Variants in HS3ST4 observed in about 807,000 individuals in gnomAD.
HS3ST4 encodes heparan sulfate glucosamine 3-O-sulfotransferase 4.
HS3ST4 carries 17 observed loss-of-function variants against 29.2 expected under a neutral mutation model. The ratio of observed to expected loss-of-function variants is 0.58; its 90% CI spans 0.40 to 0.87. HS3ST4 has a LOEUF of 0.87. Among genes scored for constraint, HS3ST4 ranks in the 40% least tolerant of loss-of-function variants. The pLI, the probability that HS3ST4 is intolerant of heterozygous loss-of-function variation, is 0.00. For synonymous variants in HS3ST4, 314 were observed against 285.7 expected (o/e 1.10, Z -1.00); for missense variants, 627 against 634.5 (o/e 0.99, Z 0.13).
rs796824926 is a variant in HS3ST4, at chr16:26,116,192, G to A, written c.735-19420G>A. 5.3e-4 allele frequency among the ~76,000 whole-genome samples: 80 copies of A among 152,318 alleles called. 1 individual carries two copies. The highest frequency in any genetic ancestry group is 1.8e-3 in the African/African-American group (76 of 41,570). On this transcript the variant is annotated intron_variant, in intron 1 of 1. Transcript: ENST00000331351. ...TAAGGACCTCTGCTTCTTTCTGGCT[G>A]TTGGCCAGAGACATCTGCCCTCAGT...
At chr16:25,909,206 C>T (rs1017060878) in intron 1 of HS3ST4, among the ~76,000 whole-genome samples, 5 of 151,722 alleles carry the variant, frequency 3.3e-5, no homozygotes, top group Non-Finnish European at 5.9e-5. Flanking sequence ...TTCTTTTTTT[C>T]GAGATGGGCT....
intron 1 of HS3ST4, among the ~76,000 whole-genome samples, chr16:25,913,534 T>A (rs988563899): frequency 3.3e-5 from 5 of 152,200 alleles, no homozygotes; most frequent in Non-Finnish European, 5.9e-5. Context: ...TTATAGCAGC[T>A]CCAGTGGACT....
At chr16:26,098,922 G>A (rs1027015929) in intron 1 of HS3ST4, among the ~76,000 whole-genome samples, 1 of 151,948 alleles carries the variant, frequency 6.6e-6, no homozygotes, top group African/African-American at 2.4e-5. Flanking sequence ...TGCGGATACG[G>A]TTCAGGCAAA....
At chr16:26,005,055 G>C (rs983436337) in intron 1 of HS3ST4, among the ~76,000 whole-genome samples, 1 of 151,936 alleles carries the variant, frequency 6.6e-6, no homozygotes, top group South Asian at 2.1e-4. Flanking sequence ...CCTCTTCTAA[G>C]CTAAAATAGC....
In HS3ST4 at chr16:25,873,666, A is replaced by G. The variant is rs866672530; in HGVS notation, c.734+180515A>G. Among the ~76,000 whole-genome samples, 315 of 133,232 alleles carry G rather than the reference A, an allele frequency of 2.4e-3. 6 individuals are homozygous for G. Among genetic ancestry groups the G allele is most frequent in the African/African-American group, 7.6e-3 (244 of 32,234 alleles). The allele number at this position is 133,232 out of a possible 152,430, so 87.4% of individuals were successfully genotyped here. ...CATCCATCCATCCGTCCGTCCATCCATCCATCCATCCATCCATCCATCCAT... is the reference window on the plus strand; with the variant it reads ...CATCCATCCATCCGTCCGTCCATCCGTCCATCCATCCATCCATCCATCCAT... On this transcript the variant is annotated intron_variant, in intron 1 of 1. Transcript: ENST00000331351.
rs374730836 is a variant in HS3ST4 at position 25,867,881 on chromosome 16, TAC to T, written c.734+174740_734+174741del. 3.8e-3 allele frequency among the ~76,000 whole-genome samples: 573 copies of T among 152,122 alleles called. 1 individual carries two copies. The highest frequency in any genetic ancestry group is 0.012 in the African/African-American group (481 of 41,494). ...CCTCAGTTTACCCAGTTGTGAAATATACACACACACAGATACACAGGTAGATA... is the reference window on the plus strand; with the variant it reads ...CCTCAGTTTACCCAGTTGTGAAATATACACACACAGATACACAGGTAGATA... On this transcript the variant is annotated intron_variant, in intron 1 of 1. Transcript: ENST00000331351.
At chr16:26,102,809 T>C (rs151173759) in intron 1 of HS3ST4, among the ~76,000 whole-genome samples, 670 of 152,350 alleles carry the variant, frequency 4.4e-3, no homozygotes, top group Middle Eastern at 0.01. Context: ...AATAGGAGTT[T>C]CCTTTTTTAC....
chr16:25,834,861 C>T (rs112588038), intron 1 of HS3ST4, among the ~76,000 whole-genome samples: 1,558 of 152,162 alleles, frequency 0.01, 24 homozygotes, highest in African/African-American at 0.035. Flanking sequence ...GCACAAGAAT[C>T]GCTTGAACCT....
intron 1 of HS3ST4, among the ~76,000 whole-genome samples, chr16:25,920,595 C>CA (rs1968338374): frequency 1.8e-5 from 2 of 113,194 alleles, no homozygotes; most frequent in Admixed American, 1.8e-4. Flanking sequence ...CCCTCACTGC[C>CA]GCCCCCACCC....
chr16:26,136,153 C>T lies in HS3ST4; in HGVS notation c.1276C>T (p.His426Tyr). The change falls in exon 2 of 2, where the codon CAC (histidine) becomes TAC (tyrosine). Residue 426 changes from histidine to tyrosine, a missense_variant. Around this residue, in one of 2 missense-constraint regions of HS3ST4, gnomAD observed 225 missense variants for 293.7 expected, o/e 0.77. Coordinates refer to ENST00000331351, the MANE Select transcript of HS3ST4 (RefSeq NM_006040.3). ...TCCTCGCATTGACCCAGATGTCATC[C>T]ACAGACTGAGGAAATTCTACAAACC... ...THPRIDPDVI[H>Y]RLRKFYKPFN... is the part of the protein sequence containing the mutation. 1 of 1,613,288 alleles carries T rather than the reference C, an allele frequency of 6.2e-7. No homozygotes were observed. Among genetic ancestry groups the T allele is most frequent in the Middle Eastern group, 1.7e-4 (1 of 6,060 alleles).
intron 1 of HS3ST4, among the ~76,000 whole-genome samples, chr16:25,963,484 T>G (rs1018915231): frequency 2.6e-5 from 4 of 152,238 alleles, no homozygotes; most frequent in African/African-American, 9.6e-5. Flanking sequence ...AGCCAGTTAT[T>G]GGTACAGCTA....
intron 1 of HS3ST4, among the ~76,000 whole-genome samples, chr16:26,111,878 A>G (rs1218477379): frequency 6.6e-6 from 1 of 152,010 alleles, no homozygotes; most frequent in Non-Finnish European, 1.5e-5. Context: ...TTAGCCAGGC[A>G]TGATGATGGG....
At chr16:25,920,554 G>A (rs913134479) in intron 1 of HS3ST4, among the ~76,000 whole-genome samples, 3 of 150,104 alleles carry the variant, frequency 2.0e-5, no homozygotes, top group Admixed American at 2.0e-4. Flanking sequence ...TGAAATGTTT[G>A]TTCTTAAATG....
chr16:25,805,691 CT>C (rs745721203), intron 1 of HS3ST4, among the ~76,000 whole-genome samples: 101 of 152,156 alleles, frequency 6.6e-4, no homozygotes, highest in Non-Finnish European at 1.3e-3. Flanking sequence ...CAAATTACTT[CT>C]TTTTAAAAAT....
At chr16:25,994,786 AT>A in intron 1 of HS3ST4, among the ~76,000 whole-genome samples, 1 of 152,226 alleles carries the variant, frequency 6.6e-6, no homozygotes, top group South Asian at 2.1e-4. Flanking sequence ...AAGCTCTTCT[AT>A]CTCTCAAGAG....
rs1211559571 is a variant in HS3ST4 at position 25,747,920 on chromosome 16, G to T, written c.734+54769G>T. Among the ~76,000 whole-genome samples the T allele has an allele frequency of 2.0e-5, 3 of 152,202 alleles. No homozygotes were observed. In the East Asian group the frequency reaches 5.8e-4, roughly 29 times the overall value. On this transcript the variant is annotated intron_variant, in intron 1 of 1. Coordinates refer to ENST00000331351, the MANE Select transcript of HS3ST4 (RefSeq NM_006040.3). The stretch of plus-strand genomic sequence containing the variant: ...TTAATGTGTCATCTGGCAAGCAGGT[G>T]TGTGCTCCTGAAATGTTCTGGCAAT...
chr16:26,054,786 A>T (rs939175069), intron 1 of HS3ST4, among the ~76,000 whole-genome samples: 1 of 151,918 alleles, frequency 6.6e-6, no homozygotes, highest in Non-Finnish European at 1.5e-5. Flanking sequence ...GTGCTCTGGG[A>T]GCCATCGCAA....
intron 1 of HS3ST4, among the ~76,000 whole-genome samples, chr16:25,758,254 T>C (rs1966769233): frequency 6.6e-6 from 1 of 152,210 alleles, no homozygotes; most frequent in Non-Finnish European, 1.5e-5. Context: ...TCCCATTCGA[T>C]ACTAGTATTG....
intron 1 of HS3ST4, among the ~76,000 whole-genome samples, chr16:25,771,820 T>C (rs935120684): frequency 6.6e-6 from 1 of 152,214 alleles, no homozygotes; most frequent in Non-Finnish European, 1.5e-5. Context: ...TCTGTGTTCC[T>C]AGTGCCTTGG....
Sources: allele counts gnomAD v4.1 joint callset (sites outside exome capture counted in the v4.1 genomes callset), GRCh38; gene constraint gnomAD v4.1.1; regional missense constraint gnomAD v4.1.1; transcripts MANE v1.5; gene names NCBI Gene and HGNC (gene_info 2026-07-23, HGNC 2026-07-21).